BHLHE23: variants seen among roughly 807,000 people sequenced by gnomAD.
BHLHE23 encodes basic helix-loop-helix family member e23, also known as class E basic helix-loop-helix protein 23.
For synonymous variants in BHLHE23, 204 were observed against 184.4 expected (o/e 1.11, Z -0.86); for missense variants, 401 against 380.0 (o/e 1.06, Z -0.46).
In BHLHE23 at chr20:63,006,376, G is replaced by A. The variant is rs1316994912; in HGVS notation, c.399C>T (p.Asn133=). The A allele has an allele frequency of 6.2e-7, 1 of 1,605,232 alleles. No homozygotes were observed. The highest frequency in any genetic ancestry group is 8.5e-7 in the Non-Finnish European group (1 of 1,178,938). The change falls in exon 1 of 1, where the codon AAC becomes AAT. Residue 133 remains asparagine (N), a synonymous_variant. Coordinates refer to ENST00000612929, the MANE Select transcript of BHLHE23 (RefSeq NM_080606.4). ...ARERRRMHDL[N]DALDGLRAVI... ...CGGCTCGCAGCCCGTCCAGCGCGTCGTTTAGGTCGTGCATGCGCCGCCGCT... is the reference window on the plus strand; with the variant it reads ...CGGCTCGCAGCCCGTCCAGCGCGTCATTTAGGTCGTGCATGCGCCGCCGCT...
At position 63,006,310 on chromosome 20, in the gene BHLHE23, G is replaced by A; in HGVS notation, c.465C>T (p.Ser155=). The stretch of plus-strand genomic sequence containing the variant: ...TGGCGAGCAGCAGCGTGGCGATCTT[G>A]GAGAGCTTGCGCACCGACGGGCTGT... The part of the protein sequence containing the change: ...YAHSPSVRKL[S]KIATLLLAKN... Residue 155 remains serine, a synonymous_variant, in exon 1 of 1, where the codon TCC becomes TCT. Coordinates refer to ENST00000612929, the MANE Select transcript of BHLHE23 (RefSeq NM_080606.4). 3 of 1,611,534 alleles carry A rather than the reference G, an allele frequency of 1.9e-6. No homozygotes were observed. Among genetic ancestry groups the A allele is most frequent in the East Asian group, 4.5e-5 (2 of 44,870 alleles).
chr20:63,006,333 T>C lies in BHLHE23; in HGVS notation c.442A>G (p.Ser148Gly). 1.2e-6 allele frequency: 2 copies of C among 1,611,126 alleles called. No individual in the cohort carries two copies. Among genetic ancestry groups the C allele is most frequent in the Non-Finnish European group, 1.7e-6 (2 of 1,179,662 alleles). Residue 148 changes from serine (S) to glycine (G), a missense_variant, in exon 1 of 1, where the codon AGC becomes GGC. By Grantham distance (56) the Ser-to-Gly change is moderately conservative. Transcript: ENST00000612929. ...GLRAVIPYAHSPSVRKLSKIA... is the reference protein window; with the variant it reads ...GLRAVIPYAHGPSVRKLSKIA... ...TTGGAGAGCTTGCGCACCGACGGGC[T>C]GTGCGCGTAGGGGATGACGGCTCGC...
rs1331393341 is a variant in BHLHE23, at chr20:63,006,006, G to C, written c.*43C>G. 1 of 1,478,306 alleles carries C rather than the reference G, an allele frequency of 6.8e-7. No individual in the cohort carries two copies. The highest frequency in any genetic ancestry group is 2.5e-5 in the East Asian group (1 of 40,162). 91.6% of individuals were successfully genotyped at this position (1,478,306 alleles called of 1,614,324 possible). A position where few individuals can be genotyped will look rare whatever the true frequency, so the allele number is the denominator to read the frequency against. On this transcript the variant is annotated 3_prime_UTR_variant, in exon 1 of 1. Coordinates refer to ENST00000612929, the MANE Select transcript of BHLHE23 (RefSeq NM_080606.4). ...GTCCGGGCAGAGAGACAGTCACAGG[G>C]GCGATCGGAGGACGCGTGCGGGAGG... is the stretch of plus-strand genomic sequence containing the variant.
In BHLHE23 at chr20:63,006,433, C is replaced by A; in HGVS notation, c.342G>T (p.Gln114His). 1 of 1,493,882 alleles carries A rather than the reference C, an allele frequency of 6.7e-7. No homozygotes were observed. The highest frequency in any genetic ancestry group is 8.8e-7 in the Non-Finnish European group (1 of 1,133,326). The allele number at this position is 1,493,882 out of a possible 1,614,324, so 92.5% of individuals were successfully genotyped here. A position where few individuals can be genotyped will look rare whatever the true frequency, so the allele number is the denominator to read the frequency against. The change falls in exon 1 of 1, where the codon CAG becomes CAT. Residue 114 changes from glutamine (Q) to histidine (H), a missense_variant. Gln to His is a conservative substitution (Grantham distance 24). Coordinates refer to ENST00000612929, the MANE Select transcript of BHLHE23 (RefSeq NM_080606.4). ...CGTTGATGCTGAGCCGCAGAGACCGCTGCTCTCGCGGCCGCCGCCGCCCGT... is the reference window on the plus strand; with the variant it reads ...CGTTGATGCTGAGCCGCAGAGACCGATGCTCTCGCGGCCGCCGCCGCCCGT... ...AADGRRRPRE[Q>H]RSLRLSINAR...
chr20:63,006,202 G>C lies in BHLHE23; in HGVS notation c.573C>G (p.Ala191=), dbSNP rs1032576359. ...VAFLNQGQGL[A]APVNAAPLTP... ...TCAAGGGCGCGGCGTTTACGGGCGC[G>C]GCCAGGCCCTGGCCCTGGTTGAGGA... Residue 191 remains alanine (A), a synonymous_variant, in exon 1 of 1, where the codon GCC becomes GCG. Coordinates refer to ENST00000612929, the MANE Select transcript of BHLHE23 (RefSeq NM_080606.4). 3 of 1,593,114 alleles carry C rather than the reference G, an allele frequency of 1.9e-6. No individual in the cohort carries two copies. The East Asian group carries it at 6.8e-5, about 36-fold the overall frequency.
chr20:63,006,427 A>G lies in BHLHE23; in HGVS notation c.348T>C (p.Ser116=), dbSNP rs773447081. The G allele has an allele frequency of 3.9e-6, 6 of 1,526,018 alleles. No individual in the cohort carries two copies. The East Asian group carries it at 1.3e-4, about 34-fold the overall frequency. The allele number at this position is 1,526,018 out of a possible 1,614,324, so 94.5% of individuals were successfully genotyped here. Residue 116 remains serine, a synonymous_variant, in exon 1 of 1, where the codon TCT becomes TCC. Coordinates refer to ENST00000612929, the MANE Select transcript of BHLHE23 (RefSeq NM_080606.4). The part of the protein sequence containing the change: ...DGRRRPREQR[S]LRLSINARER... ...CGCGCGCGTTGATGCTGAGCCGCAG[A>G]GACCGCTGCTCTCGCGGCCGCCGCC...
Position 63,006,082 on chromosome 20 carries a change from GGAGGGCGTCCCGGA to G in BHLHE23, c.679_692del (p.Ser227ArgfsTer28), listed in dbSNP as rs1195143991. The stretch of plus-strand genomic sequence containing the variant: ...TCTCGTGACAGTGTTTGCAAAGCGC[GGAGGGCGTCCCGGA>G]GAAGGCGGCGCACTTGTCAGGGCAG... On this transcript the variant is annotated frameshift_variant, in exon 1 of 1. Transcript: ENST00000612929. LOFTEE classifies it high-confidence loss of function. 1.8e-5 allele frequency: 27 copies of G among 1,542,766 alleles called. No individual in the cohort carries two copies. In the Admixed American group the frequency reaches 5.4e-4, roughly 31 times the overall value.
rs949537646 is a variant in BHLHE23 at position 63,006,639 on chromosome 20, C to T, written c.136G>A (p.Ala46Thr). Residue 46 changes from alanine to threonine, a missense_variant, in exon 1 of 1, where the codon GCG (alanine) becomes ACG (threonine). By Grantham distance (58) the Ala-to-Thr change is moderately conservative. Coordinates refer to ENST00000612929, the MANE Select transcript of BHLHE23 (RefSeq NM_080606.4). ...AAAAAGLAYG[A>T]AREPEAARGY... ...CGGGCCGCTTCGGGTTCTCGCGCCG[C>T]CCCGTAGGCGAGACCCGCAGCCGCC... 9 of 1,361,952 alleles carry T rather than the reference C, an allele frequency of 6.6e-6. No individual in the cohort carries two copies. Among genetic ancestry groups the T allele is most frequent in the Admixed American group, 3.3e-5 (1 of 30,506 alleles). The allele number at this position is 1,361,952 out of a possible 1,614,324, so 84.4% of individuals were successfully genotyped here.
At position 63,006,797 on chromosome 20, in the gene BHLHE23, C is replaced by A; in HGVS notation, c.-23G>T. ...CATGTGGGTGAGCAGCCCCCGAGGC[C>A]GGCCCGAGCCCGCCGCTGCCGCTGC... On this transcript the variant is annotated 5_prime_UTR_variant, in exon 1 of 1. Transcript: ENST00000612929. 1 of 1,238,910 alleles carries A rather than the reference C, an allele frequency of 8.1e-7. No individual in the cohort carries two copies. The highest frequency in any genetic ancestry group is 1.0e-6 in the Non-Finnish European group (1 of 991,244). The allele number at this position is 1,238,910 out of a possible 1,614,324, so 76.7% of individuals were successfully genotyped here.
In BHLHE23 at chr20:63,006,067, G is replaced by C; in HGVS notation, c.708C>G (p.His236Gln). 1 of 1,537,140 alleles carries C rather than the reference G, an allele frequency of 6.5e-7. No homozygotes were observed. The highest frequency in any genetic ancestry group is 1.4e-5 in the African/African-American group (1 of 72,560). The change falls in exon 1 of 1, where the codon CAC becomes CAG. Residue 236 changes from histidine to glutamine, a missense_variant. By Grantham distance (24) the His-to-Gln change is conservative. Coordinates refer to ENST00000612929, the MANE Select transcript of BHLHE23 (RefSeq NM_080606.4). ...FSGTPSALCK[H>Q]CHEKP Reference sequence around the variant, plus strand: ...CGCGCGGTCACGGCTTCTCGTGACAGTGTTTGCAAAGCGCGGAGGGCGTCC... The same window carrying C: ...CGCGCGGTCACGGCTTCTCGTGACACTGTTTGCAAAGCGCGGAGGGCGTCC...
In BHLHE23 at chr20:63,006,126, C is replaced by A; in HGVS notation, c.649G>T (p.Gly217Trp). The change falls in exon 1 of 1, where the codon GGG becomes TGG. Residue 217 changes from glycine (G) to tryptophan (W), a missense_variant. Physicochemically the swap from Gly to Trp is radical, Grantham distance 184 (BLOSUM62 -2). Coordinates refer to ENST00000612929, the MANE Select transcript of BHLHE23 (RefSeq NM_080606.4). ...VCPFSAGAAL[G>W]PCPDKCAAFS... Reference sequence around the variant, plus strand: ...GCGGCGCACTTGTCAGGGCAGGGCCCCAGGGCGGCGCCTGCGGAGAAGGGG... The same window carrying A: ...GCGGCGCACTTGTCAGGGCAGGGCCACAGGGCGGCGCCTGCGGAGAAGGGG... 6.5e-7 allele frequency: 1 copy of A among 1,548,150 alleles called. No individual in the cohort carries two copies. The highest frequency in any genetic ancestry group is 2.4e-5 in the East Asian group (1 of 41,236).
Position 63,005,973 on chromosome 20 carries a change from C to T in BHLHE23, c.*76G>A, listed in dbSNP as rs1466159214. ...TCCTGGTCTGCAGGGTCCCTCCAGG[C>T]CTTTCCTGTCCGGGCAGAGAGACAG... On this transcript the variant is annotated 3_prime_UTR_variant, in exon 1 of 1. Coordinates refer to ENST00000612929, the MANE Select transcript of BHLHE23 (RefSeq NM_080606.4). 1.4e-6 allele frequency: 2 copies of T among 1,442,540 alleles called. No homozygotes were observed. Among genetic ancestry groups the T allele is most frequent in the Non-Finnish European group, 1.8e-6 (2 of 1,104,728 alleles). The allele number at this position is 1,442,540 out of a possible 1,614,324, so 89.4% of individuals were successfully genotyped here.
chr20:63,006,384 C>G lies in BHLHE23; in HGVS notation c.391G>C (p.Asp131His). The G allele has an allele frequency of 6.3e-7, 1 of 1,599,848 alleles. No homozygotes were observed. The highest frequency in any genetic ancestry group is 8.5e-7 in the Non-Finnish European group (1 of 1,177,464). Residue 131 changes from aspartate (D) to histidine (H), a missense_variant, in exon 1 of 1, where the codon GAC becomes CAC. By Grantham distance (81) the Asp-to-His change is moderately conservative (BLOSUM62 -1). Coordinates refer to ENST00000612929, the MANE Select transcript of BHLHE23 (RefSeq NM_080606.4). Reference sequence around the variant, plus strand: ...AGCCCGTCCAGCGCGTCGTTTAGGTCGTGCATGCGCCGCCGCTCGCGCGCG... The same window carrying G: ...AGCCCGTCCAGCGCGTCGTTTAGGTGGTGCATGCGCCGCCGCTCGCGCGCG... ...INARERRRMH[D>H]LNDALDGLRA...
chr20:63,006,697 G>T lies in BHLHE23; in HGVS notation c.78C>A (p.Asp26Glu). 7.3e-7 allele frequency: 1 copy of T among 1,366,422 alleles called. No homozygotes were observed. Among genetic ancestry groups the T allele is most frequent in the African/African-American group, 1.5e-5 (1 of 66,064 alleles). The allele number at this position is 1,366,422 out of a possible 1,614,324, so 84.6% of individuals were successfully genotyped here. A position where few individuals can be genotyped will look rare whatever the true frequency, so the allele number is the denominator to read the frequency against. The change falls in exon 1 of 1, where the codon GAC becomes GAA. Residue 26 changes from aspartate to glutamate, a missense_variant. Coordinates refer to ENST00000612929, the MANE Select transcript of BHLHE23 (RefSeq NM_080606.4). ...AGCCGTGGCTTAGTGCCAGGTACGC[G>T]TCCCCCGACAGCGACTTGAGCTCGG... ...AMAELKSLSG[D>E]AYLALSHGYA...
At position 63,006,041 on chromosome 20, in the gene BHLHE23, C is replaced by T; in HGVS notation, c.*8G>A. 2 of 1,505,092 alleles carry T rather than the reference C, an allele frequency of 1.3e-6. No individual in the cohort carries two copies. Among genetic ancestry groups the T allele is most frequent in the Non-Finnish European group, 1.8e-6 (2 of 1,132,272 alleles). 93.2% of individuals were successfully genotyped at this position (1,505,092 alleles called of 1,614,324 possible). A position where few individuals can be genotyped will look rare whatever the true frequency, so the allele number is the denominator to read the frequency against. ...GGACGCGTGCGGGAGGGCCGGGGGC[C>T]CGCGCGGTCACGGCTTCTCGTGACA... On this transcript the variant is annotated 3_prime_UTR_variant, in exon 1 of 1. Coordinates refer to ENST00000612929, the MANE Select transcript of BHLHE23 (RefSeq NM_080606.4).
Position 63,006,791 on chromosome 20 carries a change from C to A in BHLHE23, c.-17G>T. On this transcript the variant is annotated 5_prime_UTR_variant, in exon 1 of 1. Coordinates refer to ENST00000612929, the MANE Select transcript of BHLHE23 (RefSeq NM_080606.4). ...GATGCTCATGTGGGTGAGCAGCCCC[C>A]GAGGCCGGCCCGAGCCCGCCGCTGC... The A allele has an allele frequency of 1.6e-6, 2 of 1,243,898 alleles. No individual in the cohort carries two copies. The highest frequency in any genetic ancestry group is 2.0e-6 in the Non-Finnish European group (2 of 994,290). The allele number at this position is 1,243,898 out of a possible 1,614,324, so 77.1% of individuals were successfully genotyped here. A position where few individuals can be genotyped will look rare whatever the true frequency, so the allele number is the denominator to read the frequency against.
rs762051451 is a variant in BHLHE23 at position 63,006,353 on chromosome 20, G to T, written c.422C>A (p.Ala141Asp). The stretch of plus-strand genomic sequence containing the variant: ...CGGGCTGTGCGCGTAGGGGATGACG[G>T]CTCGCAGCCCGTCCAGCGCGTCGTT... ...DLNDALDGLR[A>D]VIPYAHSPSV... Residue 141 changes from alanine (A) to aspartate (D), a missense_variant, in exon 1 of 1, where the codon GCC (alanine) becomes GAC (aspartate). By Grantham distance (126) the Ala-to-Asp change is moderately radical. Coordinates refer to ENST00000612929, the MANE Select transcript of BHLHE23 (RefSeq NM_080606.4). 6.2e-7 allele frequency: 1 copy of T among 1,609,612 alleles called. No homozygotes were observed. The highest frequency in any genetic ancestry group is 1.7e-5 in the Admixed American group (1 of 59,986).
rs1000959981 is a variant in BHLHE23 at position 63,006,670 on chromosome 20, G to A, written c.105C>T (p.Tyr35=). The change falls in exon 1 of 1, where the codon TAC becomes TAT. Residue 35 remains tyrosine (Y), a synonymous_variant. Transcript: ENST00000612929. ...AGGCGAGACCCGCAGCCGCCGCCGC[G>A]TAGCCGTGGCTTAGTGCCAGGTACG... ...GDAYLALSHG[Y]AAAAAGLAYG... is the part of the protein sequence containing the mutation. 12 of 1,370,642 alleles carry A rather than the reference G, an allele frequency of 8.8e-6. No individual in the cohort carries two copies. In the African/African-American group the frequency reaches 1.2e-4, roughly 14 times the overall value. 84.9% of individuals were successfully genotyped at this position (1,370,642 alleles called of 1,614,324 possible). A position where few individuals can be genotyped will look rare whatever the true frequency, so the allele number is the denominator to read the frequency against.
Position 63,006,753 on chromosome 20 carries a change from C to T in BHLHE23, c.22G>A (p.Glu8Lys), listed in dbSNP as rs2065793573. Residue 8 changes from glutamate (E) to lysine (K), a missense_variant, in exon 1 of 1, where the codon GAG becomes AAG. Glu to Lys is a moderately conservative substitution (Grantham distance 56). Coordinates refer to ENST00000612929, the MANE Select transcript of BHLHE23 (RefSeq NM_080606.4). ...GCCGCGCCGCCTGGGCTCGGGGGCT[C>T]GCCGGGTGGGCGGATGCTCATGTGG... is the stretch of plus-strand genomic sequence containing the variant. MSIRPPG[E>K]PPSPGGAAMA... 2.3e-6 allele frequency: 3 copies of T among 1,281,666 alleles called. No homozygotes were observed. Among genetic ancestry groups the T allele is most frequent in the Non-Finnish European group, 3.0e-6 (3 of 1,016,700 alleles). 79.4% of individuals were successfully genotyped at this position (1,281,666 alleles called of 1,614,324 possible). A position where few individuals can be genotyped will look rare whatever the true frequency, so the allele number is the denominator to read the frequency against.
Sources: allele counts gnomAD v4.1 joint callset, GRCh38; gene constraint gnomAD v4.1.1; transcripts MANE v1.5; gene names NCBI Gene and HGNC (gene_info 2026-07-23, HGNC 2026-07-21).